The following MRPS35 variants were observed in gnomAD, a reference collection of about 807,000 sequenced individuals.
The protein encoded by MRPS35 is mitochondrial ribosomal protein S35.
In MRPS35, 29 loss-of-function variants were observed where a neutral mutation model predicts 32.7. That is an observed-to-expected ratio of 0.89 (90% confidence interval 0.66 to 1.21). MRPS35 has a LOEUF of 1.21. MRPS35 is among the 50% of genes most tolerant of loss of function. MRPS35 has a pLI of 0.00. For missense variants in MRPS35, 373 were observed against 383.8 expected, an observed-to-expected ratio of 0.97 and a Z score of 0.23; for synonymous variants, 148 against 139.3, an observed-to-expected ratio of 1.06 and a Z score of -0.44.
intron 3 of MRPS35, among the ~76,000 whole-genome samples, chr12:27,716,993 G>GA (rs35366140): frequency 0.12 from 18,195 of 145,872 alleles, 1,350 homozygotes; most frequent in East Asian, 0.18. Flanking sequence ...TCTGTCTCAG[G>GA]AAAAAAAAAA....
chr12:27,752,901 C>T (rs1403272764), intron 7 of MRPS35: 1 of 152,110 alleles, frequency 6.6e-6, no homozygotes, highest in Non-Finnish European at 1.5e-5. Flanking sequence ...TGAGTTATCT[C>T]AGTTGATTGT....
chr12:27,747,139 G>A (rs2061984182), intron 7 of MRPS35, among the ~76,000 whole-genome samples: 1 of 152,118 alleles, frequency 6.6e-6, no homozygotes, highest in African/African-American at 2.4e-5. Context: ...CTGTACTTTA[G>A]CCATAATGAA....
intron 4 of MRPS35, among the ~76,000 whole-genome samples, chr12:27,723,721 G>C (rs1353815693): frequency 6.6e-6 from 1 of 152,106 alleles, no homozygotes; most frequent in Non-Finnish European, 1.5e-5. Context: ...CTTTTAGTTG[G>C]TACAGAGGAA....
intron 5 of MRPS35, among the ~76,000 whole-genome samples, chr12:27,731,632 GA>G (rs1738327275): frequency 6.6e-6 from 1 of 152,028 alleles, no homozygotes; most frequent in Non-Finnish European, 1.5e-5. Flanking sequence ...CCAGTGGCGC[GA>G]TCTTGGCTTA....
At chr12:27,717,020 C>A (rs543964325) in intron 3 of MRPS35, among the ~76,000 whole-genome samples, 13 of 152,028 alleles carry the variant, frequency 8.6e-5, no homozygotes, top group Admixed American at 7.2e-4. Context: ...ATTAGTCAAT[C>A]TTGTGGCTTC....
chr12:27,748,438 G>GTGTGT (rs148534082), intron 7 of MRPS35, among the ~76,000 whole-genome samples: 25 of 145,970 alleles, frequency 1.7e-4, no homozygotes, highest in African/African-American at 5.8e-4. Context: ...AAAGAAAAGT[G>GTGTGT]GTGTGTGTGT....
chr12:27,728,175 GAA>G lies in MRPS35; in HGVS notation c.522+3992_522+3993del, dbSNP rs912020409. 8.4e-4 allele frequency among the ~76,000 whole-genome samples: 128 copies of G among 152,032 alleles called. 1 individual carries two copies. The highest frequency in any genetic ancestry group is 2.9e-3 in the African/African-American group (122 of 41,408). On this transcript the variant is annotated intron_variant, in intron 5 of 7. Transcript: ENST00000081029. ...TGCATGTTGATCCAATACCATTTTT[GAA>G]AAGACTATTCTTTCCCATTGAATGG...
intron 3 of MRPS35, among the ~76,000 whole-genome samples, chr12:27,717,646 C>T (rs1365656826): frequency 6.6e-6 from 1 of 152,068 alleles, no homozygotes; most frequent in Non-Finnish European, 1.5e-5. Flanking sequence ...AATGTGAAGA[C>T]ACAAGAAAGC....
At chr12:27,733,028 A>G (rs75981299) in intron 5 of MRPS35, among the ~76,000 whole-genome samples, 3 of 124,742 alleles carry the variant, frequency 2.4e-5, no homozygotes, top group Non-Finnish European at 5.4e-5. Context: ...ATATATATAT[A>G]TATATATATA....
At chr12:27,749,372 A>G (rs763434421) in intron 7 of MRPS35, among the ~76,000 whole-genome samples, 22 of 152,350 alleles carry the variant, frequency 1.4e-4, no homozygotes, top group Admixed American at 5.2e-4. Flanking sequence ...AAACATTTCA[A>G]AATTGTTATT....
intron 7 of MRPS35, among the ~76,000 whole-genome samples, chr12:27,747,377 A>T (rs1447790450): frequency 6.6e-6 from 1 of 152,198 alleles, no homozygotes; most frequent in African/African-American, 2.4e-5. Flanking sequence ...ATCACTGAGG[A>T]CAAGGAGTAT....
intron 5 of MRPS35, among the ~76,000 whole-genome samples, chr12:27,733,751 CTG>C (rs1171080091): frequency 4.6e-5 from 7 of 152,152 alleles, no homozygotes; most frequent in African/African-American, 1.7e-4. Context: ...TTCCAGAAAA[CTG>C]TGGTGATTCA....
intron 1 of MRPS35, among the ~76,000 whole-genome samples, chr12:27,711,300 G>T (rs1017449446): frequency 3.3e-5 from 5 of 152,214 alleles, no homozygotes; most frequent in Admixed American, 2.6e-4. Flanking sequence ...TTGAACCATG[G>T]ATTTCCCCAA....
chr12:27,725,579 A>G (rs1004470368), intron 5 of MRPS35: 8 of 261,726 alleles, frequency 3.1e-5, no homozygotes, highest in Middle Eastern at 4.4e-4. Flanking sequence ...TCCTGCAGGA[A>G]ATGTAAAAAA....
At chr12:27,733,022 A>ATCTATCTATC (rs1278264280) in intron 5 of MRPS35, among the ~76,000 whole-genome samples, 1 of 36,626 alleles carries the variant, frequency 2.7e-5, no homozygotes, top group East Asian at 1.2e-3. Flanking sequence ...ATATATATAT[A>ATCTATCTATC]TATATATATA....
intron 5 of MRPS35, among the ~76,000 whole-genome samples, chr12:27,734,376 G>T (rs1018795210): frequency 6.6e-6 from 1 of 151,730 alleles, no homozygotes; most frequent in African/African-American, 2.4e-5. Flanking sequence ...CTGAGTAGCT[G>T]GGATTACAGG....
At chr12:27,748,297 A>C (rs1014035199) in intron 7 of MRPS35, among the ~76,000 whole-genome samples, 66 of 152,320 alleles carry the variant, frequency 4.3e-4, no homozygotes, top group Admixed American at 3.7e-3. Context: ...GTTGTGCAAT[A>C]AATATTTATT....
At chr12:27,736,927 AG>A in intron 6 of MRPS35, among the ~76,000 whole-genome samples, 1 of 152,144 alleles carries the variant, frequency 6.6e-6, no homozygotes, top group Non-Finnish European at 1.5e-5. Flanking sequence ...CCCAGGCTGG[AG>A]GTCAGTGGCA....
In MRPS35 at chr12:27,710,889, G is replaced by A. The variant is rs1382822277; in HGVS notation, c.46G>A (p.Ala16Thr). The A allele has an allele frequency of 2.5e-6, 4 of 1,612,526 alleles. No homozygotes were observed. The East Asian group carries it at 8.9e-5, about 36-fold the overall frequency. The stretch of plus-strand genomic sequence containing the variant: ...AGCATGGCTGTCTCTGCAGTCGAGG[G>A]CAAGGACTCTGCGTGCATTCTCCAC... Reference protein sequence around the residue: ...LPAWLSLQSRARTLRAFSTAV... With the variant: ...LPAWLSLQSRTRTLRAFSTAV... The change falls in exon 1 of 8, where the codon GCA becomes ACA. Residue 16 changes from alanine to threonine, a missense_variant. By Grantham distance (58) the Ala-to-Thr change is moderately conservative. Coordinates refer to ENST00000081029, the MANE Select transcript of MRPS35 (RefSeq NM_021821.4).
Sources: gnomAD v4.1 joint callset for allele counts (sites outside exome capture counted in the v4.1 genomes callset) on GRCh38, gnomAD v4.1.1 for gene constraint, MANE v1.5 for transcripts, NCBI Gene and HGNC (gene_info 2026-07-23, HGNC 2026-07-21) for gene names.